Variants in ARHGAP32 observed in about 807,000 individuals in gnomAD.
ARHGAP32 encodes Rho GTPase activating protein 32, also known as rho GTPase-activating protein 32.
A neutral mutation model predicts 186.5 loss-of-function variants in ARHGAP32; 51 were observed. That is an observed-to-expected ratio of 0.27 (90% CI 0.22 to 0.35). The LOEUF is 0.35. Ranked by LOEUF, ARHGAP32 falls within the 10% of genes least tolerant of loss-of-function variation. The pLI is 1.00. For synonymous variants in ARHGAP32, 950 were observed against 964.3 expected, an observed-to-expected ratio of 0.99 and a Z score of 0.27; for missense variants, 2,186 against 2,623.5, an observed-to-expected ratio of 0.83 and a Z score of 3.64.
At chr11:129,131,991 G>A (rs1942821505) in intron 2 of ARHGAP32, among the ~76,000 whole-genome samples, 1 of 152,154 alleles carries the variant, frequency 6.6e-6, no homozygotes. Flanking sequence ...AGGTTTGTTA[G>A]AGGTAAACAT....
At chr11:129,086,545 G>GT (rs1259043744) in intron 6 of ARHGAP32, among the ~76,000 whole-genome samples, 3 of 151,860 alleles carry the variant, frequency 2.0e-5, no homozygotes, top group Non-Finnish European at 4.4e-5. Context: ...CTGATGGCCG[G>GT]GCATGGTGGC....
chr11:129,077,122 G>A (rs1157487339), intron 6 of ARHGAP32, among the ~76,000 whole-genome samples: 1 of 152,162 alleles, frequency 6.6e-6, no homozygotes, highest in Admixed American at 6.5e-5. Flanking sequence ...GGCACTTCCT[G>A]GTCCCTAGAG....
chr11:129,155,802 C>G (rs929388254), intron 2 of ARHGAP32, among the ~76,000 whole-genome samples: 1 of 152,060 alleles, frequency 6.6e-6, no homozygotes, highest in African/African-American at 2.4e-5. Flanking sequence ...CAAATAGGAA[C>G]AGCTCCAGTT....
chr11:129,055,660 A>G lies in ARHGAP32; in HGVS notation c.963+6620T>C, dbSNP rs1164247224. 2.0e-5 allele frequency among the ~76,000 whole-genome samples: 3 copies of G among 152,334 alleles called. No individual in the cohort carries two copies. In the East Asian group the frequency reaches 5.8e-4, roughly 29 times the overall value. On this transcript the variant is annotated intron_variant, in intron 10 of 22. Transcript: ENST00000682385. Reference sequence around the variant, plus strand: ...GAGGAACCTTAAATGCATATTACTAAGTAAAAGAAGCCAGTCTGAAAAGGC... The same window carrying G: ...GAGGAACCTTAAATGCATATTACTAGGTAAAAGAAGCCAGTCTGAAAAGGC...
intron 1 of ARHGAP32, among the ~76,000 whole-genome samples, chr11:129,191,540 G>A (rs1378853953): frequency 1.3e-5 from 2 of 151,974 alleles, no homozygotes; most frequent in Admixed American, 1.3e-4. Context: ...AGATTTGGGG[G>A]AAAGGGGGCA....
At chr11:129,182,607 T>C (rs1944079684) in intron 1 of ARHGAP32, among the ~76,000 whole-genome samples, 2 of 150,836 alleles carry the variant, frequency 1.3e-5, no homozygotes, top group South Asian at 2.1e-4. Context: ...CTTCCTATTA[T>C]AAAAAAAAAT....
chr11:129,087,807 A>G (rs1228135531), intron 6 of ARHGAP32, among the ~76,000 whole-genome samples: 1 of 152,218 alleles, frequency 6.6e-6, no homozygotes, highest in Non-Finnish European at 1.5e-5. Flanking sequence ...TGGGATGTCA[A>G]TAGTGGGGGA....
At position 129,103,540 on chromosome 11, in the gene ARHGAP32, A is replaced by G. The variant is rs1941962886; in HGVS notation, c.445-9833T>C. 2.6e-5 allele frequency among the ~76,000 whole-genome samples: 4 copies of G among 152,102 alleles called. No individual in the cohort carries two copies. In the South Asian group the frequency reaches 8.3e-4, roughly 31 times the overall value. On this transcript the variant is annotated intron_variant, in intron 5 of 22. Coordinates refer to ENST00000682385, the MANE Select transcript of ARHGAP32 (RefSeq NM_001378024.1). ...AATATGTGAAAACATCAGCTTCAAAATCAAGAAACTCAGTGCACCCCAAAC... is the reference window on the plus strand; with the variant it reads ...AATATGTGAAAACATCAGCTTCAAAGTCAAGAAACTCAGTGCACCCCAAAC...
At chr11:129,220,155 G>A (rs905237630) in intron 1 of ARHGAP32, among the ~76,000 whole-genome samples, 1 of 152,104 alleles carries the variant, frequency 6.6e-6, no homozygotes, top group African/African-American at 2.4e-5. Flanking sequence ...TCTCCAGAAT[G>A]GATCAACTTT....
At chr11:129,038,972 C>G (rs1294838817) in intron 11 of ARHGAP32, among the ~76,000 whole-genome samples, 1 of 149,096 alleles carries the variant, frequency 6.7e-6, no homozygotes, top group Non-Finnish European at 1.5e-5. Context: ...GAACACATAA[C>G]CAATAAGCAC....
intron 1 of ARHGAP32, among the ~76,000 whole-genome samples, chr11:129,178,462 C>CA (rs1440470005): frequency 6.6e-6 from 1 of 151,926 alleles, no homozygotes; most frequent in Non-Finnish European, 1.5e-5. Flanking sequence ...CATATGGAAC[C>CA]AAAAAAGAGC....
chr11:128,998,557 C>G lies in ARHGAP32; in HGVS notation c.1046-89G>C, dbSNP rs1946263408. 6 of 947,778 alleles carry G rather than the reference C, an allele frequency of 6.3e-6. No homozygotes were observed. In the Admixed American group the frequency reaches 9.5e-5, roughly 15 times the overall value. The allele number at this position is 947,778 out of a possible 1,614,324, so 58.7% of individuals were successfully genotyped here. A position where few individuals can be genotyped will look rare whatever the true frequency, so the allele number is the denominator to read the frequency against. ...AAACAAACATATCTCAAGAGGCTGACAGCAAAATAATCTATTATGAATATA... is the reference window on the plus strand; with the variant it reads ...AAACAAACATATCTCAAGAGGCTGAGAGCAAAATAATCTATTATGAATATA... On this transcript the variant is annotated intron_variant, in intron 11 of 22. Transcript: ENST00000682385.
chr11:129,221,132 G>A (rs1944705295), intron 1 of ARHGAP32, among the ~76,000 whole-genome samples: 1 of 151,980 alleles, frequency 6.6e-6, no homozygotes, highest in African/African-American at 2.4e-5. Context: ...TGAGGACACC[G>A]ATATTTTCAG....
intron 1 of ARHGAP32, among the ~76,000 whole-genome samples, chr11:129,230,227 A>AACT (rs1944839910): frequency 2.5e-5 from 1 of 39,564 alleles, no homozygotes; most frequent in Non-Finnish European, 6.9e-5. Flanking sequence ...AGGTTGAGAA[A>AACT]AACCTAAAGT....
At chr11:129,275,404 C>T (rs1234813824) in intron 1 of ARHGAP32, among the ~76,000 whole-genome samples, 1 of 152,098 alleles carries the variant, frequency 6.6e-6, no homozygotes, top group African/African-American at 2.4e-5. Flanking sequence ...TGAGGTCCCA[C>T]GACATTAATT....
At position 128,973,478 on chromosome 11, in the gene ARHGAP32, C is replaced by T. The variant is rs372826114; in HGVS notation, c.3074-46G>A. The T allele has an allele frequency of 7.5e-6, 12 of 1,593,874 alleles. No individual in the cohort carries two copies. In the East Asian group the frequency reaches 9.0e-5, roughly 12 times the overall value. Reference sequence around the variant, plus strand: ...AAAATGAGAGTGAAAAGGTAGCTTACGTTATCCTAAATGGAAAGCCAAACA... The same window carrying T: ...AAAATGAGAGTGAAAAGGTAGCTTATGTTATCCTAAATGGAAAGCCAAACA... On this transcript the variant is annotated intron_variant, in intron 21 of 22. Coordinates refer to ENST00000682385, the MANE Select transcript of ARHGAP32 (RefSeq NM_001378024.1).
At chr11:128,980,335 CT>C (rs1421619713) in intron 18 of ARHGAP32, among the ~76,000 whole-genome samples, 1 of 152,176 alleles carries the variant, frequency 6.6e-6, no homozygotes, top group African/African-American at 2.4e-5. Flanking sequence ...TGATGTTCTT[CT>C]TTTATAAAAT....
intron 5 of ARHGAP32, among the ~76,000 whole-genome samples, chr11:129,105,698 T>A (rs537975969): frequency 6.6e-6 from 1 of 152,218 alleles, no homozygotes; most frequent in East Asian, 1.9e-4. Context: ...CCAGAGTTAC[T>A]ACACTATAAT....
chr11:129,181,165 T>G (rs531571119), intron 1 of ARHGAP32, among the ~76,000 whole-genome samples: 1 of 152,304 alleles, frequency 6.6e-6, no homozygotes, highest in South Asian at 2.1e-4. Flanking sequence ...GTTTATTTCT[T>G]ATTCTTCGCC....
Sources: allele counts gnomAD v4.1 joint callset (sites outside exome capture counted in the v4.1 genomes callset), GRCh38; gene constraint gnomAD v4.1.1; transcripts MANE v1.5; gene names NCBI Gene and HGNC (gene_info 2026-07-23, HGNC 2026-07-21).